Variants in TAC3 observed in about 807,000 individuals in gnomAD.
TAC3 encodes tachykinin-3.
In TAC3, 9 loss-of-function variants were observed where a neutral mutation model predicts 16.5. That is an observed-to-expected ratio of 0.55 (90% CI 0.33 to 0.95). The LOEUF is 0.95. TAC3 is among the 40% of genes least tolerant of loss of function. The pLI is 0.03. For synonymous variants in TAC3, 52 were observed against 56.7 expected, an observed-to-expected ratio of 0.92 and a Z score of 0.37; for missense variants, 129 against 149.1, an observed-to-expected ratio of 0.87 and a Z score of 0.70.
chr12:57,011,315 G>A (rs1213588570), intron 6 of TAC3, among the ~76,000 whole-genome samples: 2 of 152,136 alleles, frequency 1.3e-5, no homozygotes, highest in African/African-American at 2.4e-5. Context: ...AGAGAGAAAA[G>A]CAGGAGGCTC....
intron 2 of TAC3, among the ~76,000 whole-genome samples, chr12:57,014,644 C>T (rs777633246): frequency 4.6e-5 from 7 of 151,988 alleles, no homozygotes; most frequent in African/African-American, 4.8e-5. Flanking sequence ...CTCTAACTAT[C>T]CTGGGCTGGA....
At position 57,013,580 on chromosome 12, in the gene TAC3, G is replaced by A. The variant is rs1262191970; in HGVS notation, c.206C>T (p.Thr69Ile). ...TCTCCCCTAGGGCCGCCTCCTACCT[G>A]TGCTAGCCTGGCTCAGGGCTTTGAG... is the stretch of plus-strand genomic sequence containing the variant. The part of the protein sequence containing the change: ...GLLKALSQAS[T>I]DPKESTSPEK... Residue 69 changes from threonine (T) to isoleucine (I), a missense_variant and splice_region_variant, in exon 3 of 7, where the codon ACA becomes ATA. By Grantham distance (89) the Thr-to-Ile change is moderately conservative. Coordinates refer to ENST00000458521, the MANE Select transcript of TAC3 (RefSeq NM_013251.4). 4 of 1,613,122 alleles carry A rather than the reference G, an allele frequency of 2.5e-6. No homozygotes were observed. The highest frequency in any genetic ancestry group is 1.1e-5 in the South Asian group (1 of 90,896).
chr12:57,014,640 C>T (rs1245200131), intron 2 of TAC3, among the ~76,000 whole-genome samples: 1 of 152,042 alleles, frequency 6.6e-6, no homozygotes, highest in Non-Finnish European at 1.5e-5. Flanking sequence ...GATACTCTAA[C>T]TATCCTGGGC....
chr12:57,011,060 A>G (rs1249531155), intron 6 of TAC3, among the ~76,000 whole-genome samples: 1 of 152,214 alleles, frequency 6.6e-6, no homozygotes, highest in African/African-American at 2.4e-5. Context: ...CTGCTCGTAT[A>G]ATTATCTGGC....
intron 2 of TAC3, 144 bp from the exon 3 acceptor site, chr12:57,013,815 C>T (rs1394003159): frequency 2.4e-5 from 18 of 738,030 alleles, no homozygotes; most frequent in Admixed American, 1.5e-4. Context: ...TCACACTGGA[C>T]GAGAAGTAGG....
chr12:57,012,116 T>C, intron 6 of TAC3: 3 of 509,954 alleles, frequency 5.9e-6, no homozygotes, highest in Non-Finnish European at 1.1e-5. Context: ...CCCTCTCTCC[T>C]CATCTCCCAA....
At chr12:57,015,029 C>T (rs990027760) in intron 2 of TAC3, among the ~76,000 whole-genome samples, 1 of 152,088 alleles carries the variant, frequency 6.6e-6, no homozygotes, top group Admixed American at 6.5e-5. Flanking sequence ...CCTGACAATT[C>T]CTATTCTTTT....
At chr12:57,015,657 C>A in intron 2 of TAC3, 27 bp downstream of exon 2, 1 of 1,602,496 alleles carries the variant, frequency 6.2e-7, no homozygotes. Context: ...CCGTGATGTC[C>A]CCAGTACTCT....
intron 4 of TAC3, 153 bp downstream of exon 4, chr12:57,013,206 C>T (rs1956325804): frequency 9.9e-7 from 1 of 1,008,418 alleles, no homozygotes; most frequent in Non-Finnish European, 1.6e-6. Flanking sequence ...TCTGGATGGC[C>T]TCTCCCTTTC....
intron 3 of TAC3, 86 bp downstream of exon 3, chr12:57,013,492 C>A (rs1956330587): frequency 6.3e-7 from 1 of 1,591,606 alleles, no homozygotes; most frequent in African/African-American, 1.3e-5. Flanking sequence ...TATCCCCCAT[C>A]TCTCTCCCAT....
chr12:57,015,553 G>A (rs1329225149), intron 2 of TAC3, 131 bp downstream of exon 2: 2 of 759,976 alleles, frequency 2.6e-6, no homozygotes, highest in Non-Finnish European at 4.6e-6. Context: ...GAGAAACAAA[G>A]AAATCCAAAG....
rs1465128889 is a variant in TAC3 at position 57,013,348 on chromosome 12, A to G, written c.238+11T>C. On this transcript the variant is annotated intron_variant, in intron 4 of 6. Transcript: ENST00000458521. ...GTGGCAAGAGATAGGGAGGGAGAAG[A>G]GGGTACTTACGTTTCTCGGGAGATG... 1.2e-6 allele frequency: 2 copies of G among 1,614,024 alleles called. No homozygotes were observed. The highest frequency in any genetic ancestry group is 3.3e-5 in the Admixed American group (2 of 60,018).
chr12:57,014,776 A>G (rs538789626), intron 2 of TAC3, among the ~76,000 whole-genome samples: 3 of 151,816 alleles, frequency 2.0e-5, no homozygotes, highest in Admixed American at 6.6e-5. Flanking sequence ...TGCCCTGGTG[A>G]TAACTCCCTT....
chr12:57,011,267 G>A (rs1398694489), intron 6 of TAC3, among the ~76,000 whole-genome samples: 5 of 152,174 alleles, frequency 3.3e-5, no homozygotes, highest in Non-Finnish European at 7.3e-5. Context: ...TCTTGGGCGT[G>A]CCACCTTGAG....
chr12:57,015,390 C>A (rs1956358077), intron 2 of TAC3, among the ~76,000 whole-genome samples: 1 of 152,106 alleles, frequency 6.6e-6, no homozygotes, highest in Non-Finnish European at 1.5e-5. Flanking sequence ...CCCTAGCTCA[C>A]CCCTCACAGT....
At chr12:57,015,834 A>G (rs1383893953) in intron 1 of TAC3, 32 bp from the exon 2 acceptor site, 1 of 1,566,224 alleles carries the variant, frequency 6.4e-7, no homozygotes, top group South Asian at 1.1e-5. Context: ...ACTCAGGTAA[A>G]GGAGAGAAGA....
chr12:57,011,566 C>G (rs1286850556), intron 6 of TAC3, among the ~76,000 whole-genome samples: 1 of 152,190 alleles, frequency 6.6e-6, no homozygotes, highest in Non-Finnish European at 1.5e-5. Flanking sequence ...CAGAGCCAGT[C>G]AGGGGAAACA....
intron 2 of TAC3, among the ~76,000 whole-genome samples, chr12:57,014,414 G>A (rs1024450204): frequency 5.3e-5 from 8 of 152,116 alleles, no homozygotes; most frequent in Non-Finnish European, 1.2e-4. Flanking sequence ...TGCACACACA[G>A]AAGTGCATTT....
At chr12:57,013,702 G>A in intron 2 of TAC3, 31 bp from the exon 3 acceptor site, 1 of 1,568,094 alleles carries the variant, frequency 6.4e-7, no homozygotes, top group Non-Finnish European at 8.7e-7. Context: ...GGTGAGGCAG[G>A]AGGCTCCCAC....
Sources: allele counts gnomAD v4.1 joint callset (sites outside exome capture counted in the v4.1 genomes callset), GRCh38; gene constraint gnomAD v4.1.1; transcripts MANE v1.5; gene names NCBI Gene and HGNC (gene_info 2026-07-23, HGNC 2026-07-21).